The following LRRTM4 variants were observed in gnomAD, a reference collection of about 807,000 sequenced individuals.
LRRTM4 encodes leucine-rich repeat transmembrane neuronal protein 4.
LRRTM4 carries 25 observed loss-of-function variants against 47.6 expected under a neutral mutation model. That is an observed-to-expected ratio of 0.53 (90% CI 0.38 to 0.73). The LOEUF is 0.73. Among genes scored for constraint, LRRTM4 ranks in the 30% least tolerant of loss-of-function variants. The pLI, the probability that LRRTM4 is intolerant of heterozygous loss-of-function variation, is 0.00. For synonymous variants in LRRTM4, 311 were observed against 269.5 expected (o/e 1.15, Z -1.51); for missense variants, 638 against 713.4 (o/e 0.89, Z 1.20).
rs190299824 is a variant in LRRTM4 at position 77,088,687 on chromosome 2, T to C, written c.1552-339771A>G. Among the ~76,000 whole-genome samples, 944 of 152,252 alleles carry C rather than the reference T, an allele frequency of 6.2e-3. 6 individuals carry two copies. The highest frequency in any genetic ancestry group is 0.01 in the Non-Finnish European group (689 of 68,026). On this transcript the variant is annotated intron_variant, in intron 3 of 3. Transcript: ENST00000409884. The stretch of plus-strand genomic sequence containing the variant: ...CGGACGCGCATGAAATTTGGTGCCG[T>C]GACTTGGATCAGGGGACTTCCCCTA...
At chr2:76,902,723 G>C (rs1228424420) in intron 3 of LRRTM4, among the ~76,000 whole-genome samples, 1 of 152,152 alleles carries the variant, frequency 6.6e-6, no homozygotes, top group Non-Finnish European at 1.5e-5. Flanking sequence ...TCTAAGTTCT[G>C]TGATGCACCA....
At chr2:77,044,945 A>T (rs1196497330) in intron 3 of LRRTM4, among the ~76,000 whole-genome samples, 1 of 151,764 alleles carries the variant, frequency 6.6e-6, no homozygotes, top group Non-Finnish European at 1.5e-5. Context: ...GTGTGTGTGT[A>T]TGTGGCACAA....
intron 3 of LRRTM4, among the ~76,000 whole-genome samples, chr2:77,128,395 C>CATATAGATAGAT (rs1553394611): frequency 6.6e-6 from 1 of 150,436 alleles, no homozygotes; most frequent in African/African-American, 2.4e-5. Flanking sequence ...AATTCTGTAA[C>CATATAGATAGAT]AGATAGATAG....
chr2:76,917,747 C>T (rs1674303158), intron 3 of LRRTM4, among the ~76,000 whole-genome samples: 1 of 152,116 alleles, frequency 6.6e-6, no homozygotes, highest in African/African-American at 2.4e-5. Flanking sequence ...AGTCATGCCC[C>T]TAACTTTCCT....
At chr2:76,843,587 G>C (rs1305600042) in intron 3 of LRRTM4, among the ~76,000 whole-genome samples, 1 of 152,070 alleles carries the variant, frequency 6.6e-6, no homozygotes, top group Non-Finnish European at 1.5e-5. Context: ...TTGTACATCT[G>C]GTAATAGTGT....
intron 3 of LRRTM4, among the ~76,000 whole-genome samples, chr2:77,326,722 C>G (rs893523263): frequency 6.6e-6 from 1 of 152,120 alleles, no homozygotes; most frequent in Admixed American, 6.6e-5. Context: ...ATAGTCAAAA[C>G]GGATTACTCC....
At chr2:77,369,207 T>G (rs1328859535) in intron 3 of LRRTM4, among the ~76,000 whole-genome samples, 1 of 151,796 alleles carries the variant, frequency 6.6e-6, no homozygotes, top group Admixed American at 6.6e-5. Context: ...TTCTCACTAT[T>G]TCCAATTATA....
At chr2:76,847,463 C>A (rs1671870379) in intron 3 of LRRTM4, among the ~76,000 whole-genome samples, 1 of 152,022 alleles carries the variant, frequency 6.6e-6, no homozygotes, top group Non-Finnish European at 1.5e-5. Context: ...TTCCTCCAAC[C>A]CCTTTTCTAT....
chr2:77,012,707 CTG>C (rs961313029), intron 3 of LRRTM4, among the ~76,000 whole-genome samples: 1 of 152,110 alleles, frequency 6.6e-6, no homozygotes, highest in African/African-American at 2.4e-5. Flanking sequence ...CCCCCAAACT[CTG>C]TGATTATGCA....
At chr2:76,991,601 C>T (rs939028363) in intron 3 of LRRTM4, among the ~76,000 whole-genome samples, 5 of 151,624 alleles carry the variant, frequency 3.3e-5, no homozygotes, top group African/African-American at 1.2e-4. Context: ...AATTAAAGCC[C>T]TTAGCAGACT....
At position 77,157,836 on chromosome 2, in the gene LRRTM4, A is replaced by G. The variant is rs559232557; in HGVS notation, c.1551+360482T>C. On this transcript the variant is annotated intron_variant, in intron 3 of 3. Transcript: ENST00000409884. ...CTATTTGCAGGAAACTCAGGGACAG[A>G]GGAACATGAGCTATATTATGAGCAT... is the stretch of plus-strand genomic sequence containing the variant. Among the ~76,000 whole-genome samples the G allele has an allele frequency of 2.7e-3, 408 of 152,326 alleles. 3 individuals are homozygous for G. The highest frequency in any genetic ancestry group is 9.5e-3 in the African/African-American group (397 of 41,582).
intron 3 of LRRTM4, among the ~76,000 whole-genome samples, chr2:76,906,103 C>T (rs1179663872): frequency 5.3e-5 from 8 of 152,098 alleles, no homozygotes; most frequent in Non-Finnish European, 7.4e-5. Context: ...AGAGAAAGGT[C>T]GGGTTACCCA....
At chr2:76,893,072 C>A (rs1446129026) in intron 3 of LRRTM4, among the ~76,000 whole-genome samples, 7 of 145,294 alleles carry the variant, frequency 4.8e-5, no homozygotes, top group Admixed American at 1.4e-4. Flanking sequence ...AAAAAAAAAT[C>A]AATATACAAA....
intron 3 of LRRTM4, among the ~76,000 whole-genome samples, chr2:77,056,175 A>G (rs1679601088): frequency 8.1e-6 from 1 of 123,744 alleles, no homozygotes; most frequent in South Asian, 2.5e-4. Context: ...ATGTACCCTA[A>G]AACTTAAAGT....
At chr2:77,320,119 C>T (rs572362339) in intron 3 of LRRTM4, among the ~76,000 whole-genome samples, 6 of 151,678 alleles carry the variant, frequency 4.0e-5, no homozygotes, top group Middle Eastern at 3.2e-3. Flanking sequence ...TTAGATACTA[C>T]GTACTCTGAG....
At position 77,072,822 on chromosome 2, in the gene LRRTM4, A is replaced by AAC. The variant is rs1680204636; in HGVS notation, c.1552-323908_1552-323907dup. On this transcript the variant is annotated intron_variant, in intron 3 of 3. Transcript: ENST00000409884. The stretch of plus-strand genomic sequence containing the variant: ...TTCCAAAAAAAAAAAAAAAAAAAAA[A>AAC]ACAAAGGCTGCCTTACAGTTTCCAA... Among the ~76,000 whole-genome samples, 5 of 151,590 alleles carry AAC rather than the reference A, an allele frequency of 3.3e-5. No individual in the cohort carries two copies. In the South Asian group the frequency reaches 1.0e-3, roughly 32 times the overall value.
At chr2:77,451,533 T>G (rs1466536084) in intron 3 of LRRTM4, among the ~76,000 whole-genome samples, 2 of 152,164 alleles carry the variant, frequency 1.3e-5, no homozygotes, top group African/African-American at 4.8e-5. Context: ...GCTTGCTCAT[T>G]CTTTTATTAT....
In LRRTM4 at chr2:77,066,913, G is replaced by A. The variant is rs546591612; in HGVS notation, c.1552-317997C>T. Among the ~76,000 whole-genome samples the A allele has an allele frequency of 2.6e-4, 39 of 152,310 alleles. No homozygotes were observed. The South Asian group carries it at 3.7e-3, about 15-fold the overall frequency. ...ATGCATGGCTGGCAGAGAGAGCGGG[G>A]CTGAATCCCAGGCCATGAAGTGATC... On this transcript the variant is annotated intron_variant, in intron 3 of 3. Transcript: ENST00000409884.
At chr2:77,128,015 C>T (rs989841539) in intron 3 of LRRTM4, among the ~76,000 whole-genome samples, 9 of 151,930 alleles carry the variant, frequency 5.9e-5, no homozygotes, top group Non-Finnish European at 7.4e-5. Flanking sequence ...TAGTGGCGCA[C>T]GCCTGTAATC....
Sources: allele counts gnomAD v4.1 joint callset (sites outside exome capture counted in the v4.1 genomes callset), GRCh38; gene constraint gnomAD v4.1.1; transcripts MANE v1.5; gene names NCBI Gene and HGNC (gene_info 2026-07-23, HGNC 2026-07-21).